SV2C: variants seen among roughly 807,000 people sequenced by gnomAD.
SV2C encodes the protein synaptic vesicle glycoprotein 2C.
A neutral mutation model predicts 79.7 loss-of-function variants in SV2C; 49 were observed. That is an observed-to-expected ratio of 0.61 (90% CI 0.49 to 0.78). The LOEUF is 0.78. Ranked by LOEUF, SV2C falls within the 30% of genes least tolerant of loss-of-function variation. The pLI, the probability that SV2C is intolerant of heterozygous loss-of-function variation, is 0.00. For missense variants in SV2C, 833 were observed against 912.9 expected, an observed-to-expected ratio of 0.91 and a Z score of 1.13; for synonymous variants, 334 against 333.2, an observed-to-expected ratio of 1.00 and a Z score of -0.03.
chr5:76,230,285 T>C (rs913043615), intron 4 of SV2C, among the ~76,000 whole-genome samples: 1 of 151,552 alleles, frequency 6.6e-6, no homozygotes, highest in Non-Finnish European at 1.5e-5. Flanking sequence ...AGAATGAGAG[T>C]GAAGAATGTT....
At chr5:75,968,912 C>G in the SV2C span, among the ~76,000 whole-genome samples, 71 of 152,200 alleles carry the variant, frequency 4.7e-4, no homozygotes, top group East Asian at 9.7e-4. Context: ...AAAATGTTAA[C>G]GGCAGCCAGA....
At chr5:76,243,795 C>T (rs986639112) in intron 4 of SV2C, among the ~76,000 whole-genome samples, 36 of 152,302 alleles carry the variant, frequency 2.4e-4, no homozygotes, top group Admixed American at 5.9e-4. Flanking sequence ...AAGTCCTGGC[C>T]GGGCCCTCCT....
chr5:76,040,735 G>A, the SV2C span, among the ~76,000 whole-genome samples: 2 of 152,284 alleles, frequency 1.3e-5, no homozygotes. Flanking sequence ...CTAGTCAGTT[G>A]ATAGTGATGA....
the SV2C span, among the ~76,000 whole-genome samples, chr5:76,000,688 G>T: frequency 3.3e-5 from 5 of 152,204 alleles, no homozygotes; most frequent in African/African-American, 1.2e-4. Context: ...GACATGCAGA[G>T]AATGATACCA....
chr5:76,209,536 C>T (rs528058497), intron 3 of SV2C, among the ~76,000 whole-genome samples, 200 bp from the exon 4 acceptor site: 398 of 152,206 alleles, frequency 2.6e-3, no homozygotes, highest in Middle Eastern at 0.014. Flanking sequence ...GCAGGTTCAA[C>T]TTTTTGGAGG....
intron 4 of SV2C, among the ~76,000 whole-genome samples, chr5:76,276,638 C>CTTTTTTT (rs1188116727): frequency 7.3e-6 from 1 of 137,588 alleles, no homozygotes; most frequent in Non-Finnish European, 1.6e-5. Flanking sequence ...TTTTCTTTTT[C>CTTTTTTT]TTTTTTTTTT....
intron 2 of SV2C, among the ~76,000 whole-genome samples, chr5:76,181,577 G>GTC (rs1422781338): frequency 1.3e-5 from 2 of 152,104 alleles, no homozygotes; most frequent in Non-Finnish European, 2.9e-5. Flanking sequence ...AAGCAAGCAT[G>GTC]TCTTACCATG....
At chr5:75,895,922 G>T in the SV2C span, among the ~76,000 whole-genome samples, 1 of 151,884 alleles carries the variant, frequency 6.6e-6, no homozygotes, top group African/African-American at 2.4e-5. Flanking sequence ...GTTTCTATTT[G>T]AACCTATCTT....
At chr5:75,867,519 A>G in the SV2C span, among the ~76,000 whole-genome samples, 1 of 152,222 alleles carries the variant, frequency 6.6e-6, no homozygotes, top group Non-Finnish European at 1.5e-5. Context: ...GGACTGAGGA[A>G]AGCTATAGAA....
intron 2 of SV2C, among the ~76,000 whole-genome samples, chr5:76,137,633 A>G (rs553244448): frequency 2.6e-5 from 4 of 152,220 alleles, no homozygotes; most frequent in Non-Finnish European, 5.9e-5. Context: ...TTTCGGCCCC[A>G]AAATAACTAA....
At chr5:75,930,576 A>C in the SV2C span, among the ~76,000 whole-genome samples, 3 of 152,246 alleles carry the variant, frequency 2.0e-5, no homozygotes, top group Non-Finnish European at 4.4e-5. Context: ...TCTATCATCC[A>C]AGAGATTGCA....
the SV2C span, among the ~76,000 whole-genome samples, chr5:76,007,404 G>C: frequency 6.6e-6 from 1 of 152,110 alleles, no homozygotes; most frequent in South Asian, 2.1e-4. Flanking sequence ...TGTAAAAAGA[G>C]AGTGATAACA....
chr5:75,972,004 C>T, the SV2C span, among the ~76,000 whole-genome samples: 3 of 151,954 alleles, frequency 2.0e-5, no homozygotes, highest in Non-Finnish European at 2.9e-5. Context: ...CAGAACAGAG[C>T]CCTCAGAAAT....
At chr5:76,241,873 A>G (rs1222582881) in intron 4 of SV2C, among the ~76,000 whole-genome samples, 1 of 152,226 alleles carries the variant, frequency 6.6e-6, no homozygotes, top group African/African-American at 2.4e-5. Flanking sequence ...CCCAAAAACA[A>G]CAATGAAGTG....
chr5:76,028,037 T>A, the SV2C span, among the ~76,000 whole-genome samples: 1 of 152,198 alleles, frequency 6.6e-6, no homozygotes, highest in African/African-American at 2.4e-5. Flanking sequence ...TGTGCAGCAT[T>A]CTCCTCTTTG....
the SV2C span, among the ~76,000 whole-genome samples, chr5:75,916,629 C>T: frequency 2.6e-5 from 4 of 152,108 alleles, no homozygotes; most frequent in Non-Finnish European, 5.9e-5. Context: ...CACACACCAC[C>T]ACATCTGGCT....
upstream of SV2C, chr5:76,079,738 T>G (rs1746952557): frequency 3.7e-6 from 1 of 273,288 alleles, no homozygotes; most frequent in Non-Finnish European, 7.5e-6. Flanking sequence ...TGTGGGTATT[T>G]TACGCTGTCT....
the SV2C span, among the ~76,000 whole-genome samples, chr5:75,900,335 C>T: frequency 3.3e-5 from 5 of 152,130 alleles, no homozygotes; most frequent in African/African-American, 1.2e-4. Flanking sequence ...CTTAGTTTGG[C>T]TGGATATGAA....
At chr5:76,345,206 A>T (rs564785407) in intron 12 of SV2C, among the ~76,000 whole-genome samples, 1 of 152,332 alleles carries the variant, frequency 6.6e-6, no homozygotes, top group South Asian at 2.1e-4. Flanking sequence ...GCACCAACAA[A>T]CAATGGCTTA....
Sources: allele counts gnomAD v4.1 joint callset (sites outside exome capture counted in the v4.1 genomes callset), GRCh38; gene constraint gnomAD v4.1.1; transcripts MANE v1.5; gene names NCBI Gene and HGNC (gene_info 2026-07-23, HGNC 2026-07-21).